Variants in DDR2 observed in about 807,000 individuals in gnomAD.
DDR2 encodes the protein discoidin domain-containing receptor 2.
A neutral mutation model predicts 94.9 loss-of-function variants in DDR2; 27 were observed. The ratio of observed to expected loss-of-function variants is 0.28; its 90% CI spans 0.21 to 0.39. The LOEUF is 0.39. Ranked by LOEUF, DDR2 falls within the 10% of genes least tolerant of loss-of-function variation. The probability of loss-of-function intolerance (pLI) is 1.00; values close to 1 mark genes in which losing one functional copy is unlikely to be tolerated. For missense variants in DDR2, 783 were observed against 1,076.0 expected (o/e 0.73, Z 3.81); for synonymous variants, 382 against 377.2 (o/e 1.01, Z -0.15).
chr1:162,666,220 C>T (rs1375306460), intron 2 of DDR2, among the ~76,000 whole-genome samples: 2 of 152,240 alleles, frequency 1.3e-5, no homozygotes, highest in African/African-American at 4.8e-5. Flanking sequence ...TCCTCTCTCT[C>T]TCATTCTCTC....
At chr1:162,697,993 G>A (rs559341202) in intron 2 of DDR2, among the ~76,000 whole-genome samples, 1 of 152,226 alleles carries the variant, frequency 6.6e-6, no homozygotes, top group East Asian at 1.9e-4. Context: ...AAAATCTATA[G>A]CTATTAACAC....
At chr1:162,745,168 C>T (rs1010640759) in intron 3 of DDR2, among the ~76,000 whole-genome samples, 8 of 152,180 alleles carry the variant, frequency 5.3e-5, no homozygotes, top group Non-Finnish European at 1.2e-4. Flanking sequence ...ACTTCTTTGA[C>T]CACTTTAAAA....
At chr1:162,698,352 C>T (rs919652369) in intron 2 of DDR2, among the ~76,000 whole-genome samples, 4 of 152,156 alleles carry the variant, frequency 2.6e-5, no homozygotes, top group Admixed American at 6.5e-5. Flanking sequence ...CTGCTCAAAG[C>T]GCGAGGGAGG....
rs549018881 is a variant in DDR2 at position 162,664,988 on chromosome 1, G to A, written c.-28+9614G>A. Among the ~76,000 whole-genome samples the A allele has an allele frequency of 1.2e-4, 19 of 152,240 alleles. No homozygotes were observed. In the South Asian group the frequency reaches 2.5e-3, roughly 20 times the overall value. ...TAAGTTTGCTATTTGAGCTCTGCTCGAACATATGGAGTAGTTCTCTCTTAC... is the reference window on the plus strand; with the variant it reads ...TAAGTTTGCTATTTGAGCTCTGCTCAAACATATGGAGTAGTTCTCTCTTAC... On this transcript the variant is annotated intron_variant, in intron 2 of 17. Coordinates refer to ENST00000367921, the MANE Select transcript of DDR2 (RefSeq NM_006182.4).
intron 3 of DDR2, among the ~76,000 whole-genome samples, chr1:162,752,161 GA>G (rs60585471): frequency 0.85 from 127,372 of 150,108 alleles, 54,592 homozygotes; most frequent in Non-Finnish European, 0.92. Flanking sequence ...AAAGAGAAAA[GA>G]AAAAAAAAAA....
chr1:162,714,222 G>T (rs1236362181), intron 2 of DDR2, among the ~76,000 whole-genome samples: 1 of 152,136 alleles, frequency 6.6e-6, no homozygotes, highest in East Asian at 1.9e-4. Context: ...ATCTTAGCCA[G>T]TTGTTTACAT....
intron 2 of DDR2, among the ~76,000 whole-genome samples, chr1:162,705,421 G>A (rs1660617554): frequency 6.6e-6 from 1 of 152,328 alleles, no homozygotes; most frequent in South Asian, 2.1e-4. Flanking sequence ...ATGAACTCGG[G>A]CTGCCCGTTG....
intron 2 of DDR2, among the ~76,000 whole-genome samples, chr1:162,679,719 C>G (rs1019431939): frequency 6.6e-6 from 1 of 152,156 alleles, no homozygotes; most frequent in African/African-American, 2.4e-5. Flanking sequence ...AATCACCACA[C>G]TGCCTTCCAC....
intron 5 of DDR2, 34 bp downstream of exon 5, chr1:162,754,889 C>G (rs760577673): frequency 6.2e-7 from 1 of 1,607,488 alleles, no homozygotes; most frequent in Non-Finnish European, 8.5e-7. Context: ...CCTGGATGTC[C>G]AAGACCATAT....
At chr1:162,726,734 G>A (rs546838109) in intron 3 of DDR2, among the ~76,000 whole-genome samples, 1 of 152,180 alleles carries the variant, frequency 6.6e-6, no homozygotes, top group East Asian at 1.9e-4. Context: ...TTTGCTCAGG[G>A]CTCTCGTGTG....
chr1:162,673,694 A>G (rs908377756), intron 2 of DDR2, among the ~76,000 whole-genome samples: 1 of 151,914 alleles, frequency 6.6e-6, no homozygotes, highest in Non-Finnish European at 1.5e-5. Flanking sequence ...TCAATGATTC[A>G]GATCTCCATT....
intron 2 of DDR2, among the ~76,000 whole-genome samples, chr1:162,703,340 T>A (rs999046049): frequency 2.0e-5 from 3 of 152,134 alleles, no homozygotes; most frequent in Non-Finnish European, 4.4e-5. Flanking sequence ...TCAACATCAA[T>A]GAGGAGTTCA....
intron 2 of DDR2, among the ~76,000 whole-genome samples, chr1:162,686,895 T>C (rs965781100): frequency 1.3e-5 from 2 of 152,242 alleles, no homozygotes; most frequent in African/African-American, 4.8e-5. Flanking sequence ...CTTGTTTTTG[T>C]TGACGACAAA....
chr1:162,650,068 G>A (rs377377952), intron 1 of DDR2, among the ~76,000 whole-genome samples: 157 of 152,220 alleles, frequency 1.0e-3, no homozygotes, highest in Middle Eastern at 3.4e-3. Flanking sequence ...TTCTGTCTTC[G>A]CTTTTCTTCT....
At chr1:162,748,689 C>T (rs1663016818) in intron 3 of DDR2, among the ~76,000 whole-genome samples, 1 of 152,236 alleles carries the variant, frequency 6.6e-6, no homozygotes, top group African/African-American at 2.4e-5. Context: ...CACTACAAAT[C>T]AGCAGCATAT....
intron 2 of DDR2, among the ~76,000 whole-genome samples, chr1:162,673,757 C>G (rs1476991955): frequency 6.6e-6 from 1 of 151,136 alleles, no homozygotes; most frequent in Non-Finnish European, 1.5e-5. Flanking sequence ...CAAAACAAAA[C>G]AAAAAAACCG....
intron 2 of DDR2, among the ~76,000 whole-genome samples, chr1:162,686,206 T>TG (rs1410891008): frequency 6.6e-6 from 1 of 151,904 alleles, no homozygotes; most frequent in Non-Finnish European, 1.5e-5. Context: ...TTGTATTTTT[T>TG]TTTTAAATTT....
chr1:162,741,307 T>C (rs1662604000), intron 3 of DDR2, among the ~76,000 whole-genome samples: 1 of 136,414 alleles, frequency 7.3e-6, no homozygotes, highest in South Asian at 2.2e-4. Flanking sequence ...TATAATATAA[T>C]ATAATATAAT....
chr1:162,657,551 C>T (rs926609144), intron 2 of DDR2, among the ~76,000 whole-genome samples: 2 of 152,176 alleles, frequency 1.3e-5, no homozygotes, highest in African/African-American at 2.4e-5. Flanking sequence ...TTAATGGGTA[C>T]TGAGAGCAGA....
Sources: gnomAD v4.1 joint callset for allele counts (sites outside exome capture counted in the v4.1 genomes callset) on GRCh38, gnomAD v4.1.1 for gene constraint, MANE v1.5 for transcripts, NCBI Gene and HGNC (gene_info 2026-07-23, HGNC 2026-07-21) for gene names.